GLDN: variants seen among roughly 807,000 people sequenced by gnomAD.
The protein encoded by GLDN is collomin.
A neutral mutation model predicts 56.5 loss-of-function variants in GLDN; 47 were observed. The ratio of observed to expected loss-of-function variants is 0.83; its 90% CI spans 0.66 to 1.06. The LOEUF (loss-of-function observed/expected upper bound fraction) is 1.06. Ranked by LOEUF, GLDN falls within the 50% of genes least tolerant of loss-of-function variation. The pLI, the probability that GLDN is intolerant of heterozygous loss-of-function variation, is 0.00. For synonymous variants in GLDN, 332 were observed against 278.8 expected (o/e 1.19, Z -1.90); for missense variants, 782 against 714.3 (o/e 1.09, Z -1.08).
In GLDN at chr15:51,383,864, A is replaced by G; in HGVS notation, c.513A>G (p.Lys171=). The change falls in exon 4 of 10, where the codon AAA becomes AAG. Residue 171 remains lysine, a synonymous_variant. Coordinates refer to ENST00000335449, the MANE Select transcript of GLDN (RefSeq NM_181789.4). ...QPGPQGPKGE[K]GANGKRGKMG... ...GTCCTCAGGGCCCAAAAGGAGAAAAAGGAGCAAATGGAAAAAGAGGAAAAA... is the reference window on the plus strand; with the variant it reads ...GTCCTCAGGGCCCAAAAGGAGAAAAGGGAGCAAATGGAAAAAGAGGAAAAA... The G allele has an allele frequency of 6.2e-7, 1 of 1,612,236 alleles. No homozygotes were observed.
chr15:51,383,975 A>C (rs747855607), intron 4 of GLDN, 83 bp downstream of exon 4: 2 of 1,039,804 alleles, frequency 1.9e-6, no homozygotes, highest in South Asian at 2.7e-5. Context: ...TGTGTGCAGC[A>C]GGGGTAAGGT....
intron 1 of GLDN, among the ~76,000 whole-genome samples, chr15:51,343,356 G>GAA (rs11404884): frequency 2.0e-5 from 3 of 151,920 alleles, no homozygotes; most frequent in African/African-American, 7.3e-5. Flanking sequence ...GCTATAAGAT[G>GAA]AAAAAAACCT....
At chr15:51,409,342 T>C (rs1426511696), downstream of GLDN, among the ~76,000 whole-genome samples, 3 of 152,232 alleles carry the variant, frequency 2.0e-5, no homozygotes, top group Middle Eastern at 0.01. Context: ...ATTGAAATAT[T>C]ACAAAGTGAA....
At chr15:51,394,721 G>T (rs140294840) in intron 4 of GLDN, 114 bp from the exon 5 acceptor site, 21 of 948,322 alleles carry the variant, frequency 2.2e-5, no homozygotes, top group Non-Finnish European at 3.2e-5. Flanking sequence ...ATGAAATGCT[G>T]TGTGTTTGGT....
intron 5 of GLDN, among the ~76,000 whole-genome samples, chr15:51,397,083 G>A (rs891059442): frequency 2.0e-5 from 3 of 152,176 alleles, no homozygotes; most frequent in Non-Finnish European, 4.4e-5. Context: ...CCAGGTCAGA[G>A]CAGAGGGTGT....
At chr15:51,400,318 T>G in intron 7 of GLDN, 43 bp downstream of exon 7, 1 of 1,613,904 alleles carries the variant, frequency 6.2e-7, no homozygotes, top group Non-Finnish European at 8.5e-7. Context: ...AGAAATTGAA[T>G]ACCTTCAAGT....
At chr15:51,372,863 C>T (rs1026713528) in intron 1 of GLDN, among the ~76,000 whole-genome samples, 1 of 152,102 alleles carries the variant, frequency 6.6e-6, no homozygotes, top group African/African-American at 2.4e-5. Context: ...ATTTATTTCT[C>T]ATAATTCTGG....
At chr15:51,403,464 C>A (rs919100805) in intron 9 of GLDN, among the ~76,000 whole-genome samples, 1 of 152,176 alleles carries the variant, frequency 6.6e-6, no homozygotes, top group African/African-American at 2.4e-5. Context: ...CAGTGGCACC[C>A]TCTGGTGTTT....
rs1282658165 is a variant in GLDN, at chr15:51,400,221, A to G, written c.847A>G (p.Thr283Ala). ...GACTTGTGCCATACCAAATGATGAT[A>G]CCTTGGTTGGAAAAGCTGATGAGAA... The part of the protein sequence containing the change: ...GETCAIPNDD[T>A]LVGKADEKAS... Residue 283 changes from threonine (T) to alanine (A), a missense_variant, in exon 7 of 10, where the codon ACC (threonine) becomes GCC (alanine). Thr to Ala is a moderately conservative substitution (Grantham distance 58). Transcript: ENST00000335449. 3 of 1,614,032 alleles carry G rather than the reference A, an allele frequency of 1.9e-6. No individual in the cohort carries two copies. The East Asian group carries it at 6.7e-5, about 36-fold the overall frequency.
intron 1 of GLDN, among the ~76,000 whole-genome samples, chr15:51,375,764 C>T (rs1366095520): frequency 6.6e-6 from 1 of 152,196 alleles, no homozygotes; most frequent in Admixed American, 6.5e-5. Context: ...CAGGTGCATT[C>T]CTCAAGGCCA....
chr15:51,345,046 G>T (rs1406814503), intron 1 of GLDN, among the ~76,000 whole-genome samples: 1 of 152,152 alleles, frequency 6.6e-6, no homozygotes, highest in African/African-American at 2.4e-5. Flanking sequence ...ATGGGGATCT[G>T]GTGAGCGGGG....
At chr15:51,411,587 C>T (rs1362919276), downstream of GLDN, among the ~76,000 whole-genome samples, 2 of 152,200 alleles carry the variant, frequency 1.3e-5, no homozygotes, top group Admixed American at 6.5e-5. Flanking sequence ...TGGAACTACT[C>T]ACCTCTGCCA....
At chr15:51,342,761 G>A (rs1240057231) in intron 1 of GLDN, among the ~76,000 whole-genome samples, 1 of 152,144 alleles carries the variant, frequency 6.6e-6, no homozygotes, top group African/African-American at 2.4e-5. Context: ...TGGGCTCCAG[G>A]GAGTACACGG....
Position 51,383,867 on chromosome 15 carries a change from A to G in GLDN, c.516A>G (p.Gly172=), listed in dbSNP as rs746814257. 1.9e-6 allele frequency: 3 copies of G among 1,611,744 alleles called. No homozygotes were observed. The South Asian group carries it at 3.3e-5, about 18-fold the overall frequency. ...PGPQGPKGEK[G]ANGKRGKMGI... is the part of the protein sequence containing the mutation. ...CTCAGGGCCCAAAAGGAGAAAAAGGAGCAAATGGAAAAAGAGGAAAAATGG... is the reference window on the plus strand; with the variant it reads ...CTCAGGGCCCAAAAGGAGAAAAAGGGGCAAATGGAAAAAGAGGAAAAATGG... The change falls in exon 4 of 10, where the codon GGA becomes GGG. Residue 172 remains glycine, a synonymous_variant. Transcript: ENST00000335449.
intron 2 of GLDN, among the ~76,000 whole-genome samples, chr15:51,379,613 T>C (rs1957760781): frequency 6.6e-6 from 1 of 152,190 alleles, no homozygotes; most frequent in South Asian, 2.1e-4. Flanking sequence ...CTGATTTGTT[T>C]TTGGTGTTCA....
At chr15:51,371,162 A>T (rs974066780) in intron 1 of GLDN, among the ~76,000 whole-genome samples, 1 of 152,214 alleles carries the variant, frequency 6.6e-6, no homozygotes, top group Non-Finnish European at 1.5e-5. Flanking sequence ...GTGTTGCATT[A>T]TGTGGCTTGG....
chr15:51,366,228 G>A (rs2037398982), intron 1 of GLDN, among the ~76,000 whole-genome samples: 1 of 152,192 alleles, frequency 6.6e-6, no homozygotes. Flanking sequence ...GGCCACCTTT[G>A]GGAGTGGCTC....
chr15:51,357,709 C>T (rs1254826121), intron 1 of GLDN, among the ~76,000 whole-genome samples: 3 of 152,210 alleles, frequency 2.0e-5, no homozygotes, highest in Admixed American at 6.5e-5. Flanking sequence ...CATGGCACAG[C>T]CAGAAGCCTC....
chr15:51,345,060 G>C (rs932675435), intron 1 of GLDN, among the ~76,000 whole-genome samples: 1 of 152,134 alleles, frequency 6.6e-6, no homozygotes, highest in Admixed American at 6.5e-5. Flanking sequence ...AGCGGGGAGA[G>C]AGAAAATTTG....
Sources: gnomAD v4.1 joint callset for allele counts (sites outside exome capture counted in the v4.1 genomes callset) on GRCh38, gnomAD v4.1.1 for gene constraint, MANE v1.5 for transcripts, NCBI Gene and HGNC (gene_info 2026-07-23, HGNC 2026-07-21) for gene names.